The following TMC4 variants were observed in gnomAD, a reference collection of about 807,000 sequenced individuals.
TMC4 encodes voltage-gated chloride channel TMC4.
Under a neutral mutation model 82.0 loss-of-function variants are expected in TMC4, and 70 were observed. The ratio of observed to expected loss-of-function variants is 0.85; its 90% CI spans 0.70 to 1.04. The LOEUF is 1.04. Ranked by LOEUF, TMC4 falls within the 50% of genes least tolerant of loss-of-function variation. The pLI is 0.00. For missense variants in TMC4, 879 were observed against 899.0 expected (o/e 0.98, Z 0.28); for synonymous variants, 446 against 406.0 (o/e 1.10, Z -1.18).
Position 54,163,201 on chromosome 19 carries a change from C to T in TMC4, c.1278-42G>A, listed in dbSNP as rs755504164. 1.4e-5 allele frequency: 23 copies of T among 1,610,394 alleles called. No individual in the cohort carries two copies. The South Asian group carries it at 2.3e-4, about 16-fold the overall frequency. On this transcript the variant is annotated intron_variant, in intron 8 of 14. Coordinates refer to ENST00000619895, the MANE Select transcript of TMC4 (RefSeq NM_144686.4). ...AGAGAATGGGCCCTGACCCGGTACC[C>T]ACCATGTGGCAGTTCCCTTCTCAGT...
chr19:54,170,776 G>C (rs375732218), intron 2 of TMC4, among the ~76,000 whole-genome samples: 10 of 151,994 alleles, frequency 6.6e-5, no homozygotes, highest in Admixed American at 5.3e-4. Flanking sequence ...GGGGCTACAG[G>C]TATGGGCCAC....
chr19:54,168,331 A>C lies in TMC4; in HGVS notation c.676-39T>G, dbSNP rs535638371. 163 of 1,542,262 alleles carry C rather than the reference A, an allele frequency of 1.1e-4. No individual in the cohort carries two copies. The African/African-American group carries it at 1.8e-3, about 17-fold the overall frequency. On this transcript the variant is annotated intron_variant, in intron 4 of 14. Transcript: ENST00000619895. ...GCGGCGCAGGGGCCACTGTGGGAGG[A>C]GGCGGGGCTCCTGGAGCTGCACAGT... is the stretch of plus-strand genomic sequence containing the variant.
At chr19:54,162,386 T>TGGG (rs67618081) in intron 10 of TMC4, 101 bp from the exon 11 acceptor site, 13 of 351,646 alleles carry the variant, frequency 3.7e-5, no homozygotes, top group African/African-American at 1.1e-4. Context: ...TGCGTATTGG[T>TGGG]GGTGGGGGGG....
At chr19:54,163,188 C>T in intron 8 of TMC4, 29 bp from the exon 9 acceptor site, 1 of 1,613,420 alleles carries the variant, frequency 6.2e-7, no homozygotes, top group Non-Finnish European at 8.5e-7. Context: ...AGAATGGGCC[C>T]TGACCCGGTA....
Position 54,168,484 on chromosome 19 carries a change from G to C in TMC4, c.639C>G (p.Thr213=). 1.9e-6 allele frequency: 3 copies of C among 1,547,108 alleles called. No homozygotes were observed. Among genetic ancestry groups the C allele is most frequent in the Non-Finnish European group, 2.6e-6 (3 of 1,145,402 alleles). Residue 213 remains threonine, a synonymous_variant, in exon 4 of 15, where the codon ACC becomes ACG. Transcript: ENST00000619895. The stretch of plus-strand genomic sequence containing the variant: ...GCAAGTTGAAGAGCTGGGTGGCAAA[G>C]GTGACCAGGCCCTGGGAGTGGGGGT... ...SYNPHSQGLV[T]FATQLFNLLS...
intron 2 of TMC4, among the ~76,000 whole-genome samples, chr19:54,171,201 C>G (rs1344104026): frequency 7.5e-6 from 1 of 132,874 alleles, no homozygotes; most frequent in African/African-American, 2.8e-5. Context: ...CTCTATCTCC[C>G]TGGTTCAAGC....
At chr19:54,164,382 G>A (rs2075647728) in intron 7 of TMC4, 52 bp downstream of exon 7, 2 of 1,553,078 alleles carry the variant, frequency 1.3e-6, no homozygotes, top group Non-Finnish European at 1.7e-6. Context: ...CTCCACCGTT[G>A]GAAATGTAGG....
In TMC4 at chr19:54,165,534, G is replaced by C. The variant is rs771619724; in HGVS notation, c.830C>G (p.Ala277Gly). Residue 277 changes from alanine to glycine, a missense_variant, in exon 6 of 15, where the codon GCG (alanine) becomes GGG (glycine). Ala to Gly is a moderately conservative substitution (Grantham distance 60). Transcript: ENST00000619895. ...SVSGLKQTLL[A>G]ESEALTSYSH... ...GTAGCTGGTCAGAGCCTCGGACTCC[G>C]CCAGCAGTGTCTGCTTCAGCCCAGA... The C allele has an allele frequency of 6.2e-7, 1 of 1,610,242 alleles. No homozygotes were observed. The highest frequency in any genetic ancestry group is 8.5e-7 in the Non-Finnish European group (1 of 1,177,874).
At chr19:54,162,628 C>T (rs923190496) in intron 10 of TMC4, 45 bp downstream of exon 10, 12 of 1,492,262 alleles carry the variant, frequency 8.0e-6, no homozygotes, top group African/African-American at 1.4e-5. Context: ...GGGGCACGGC[C>T]TCGTCCTAGA....
Position 54,168,669 on chromosome 19 carries a change from C to CGCCAAACT in TMC4, c.446_453dup (p.Ala152SerfsTer30). On this transcript the variant is annotated frameshift_variant, in exon 4 of 15. Coordinates refer to ENST00000619895, the MANE Select transcript of TMC4 (RefSeq NM_144686.4). LOFTEE classifies it high-confidence loss of function. ...AGGGAGAAGTAGGACTCCGTGCCGGCGCCAAACTGGCCTGCAGGGGGCAGC... is the reference window on the plus strand; with the variant it reads ...AGGGAGAAGTAGGACTCCGTGCCGGCGCCAAACTGCCAAACTGGCCTGCAGGGGGCAGC... 1 of 1,540,746 alleles carries CGCCAAACT rather than the reference C, an allele frequency of 6.5e-7. No individual in the cohort carries two copies. The highest frequency in any genetic ancestry group is 2.4e-5 in the East Asian group (1 of 41,874).
rs764569192 is a variant in TMC4, at chr19:54,163,859, A to T, written c.1142T>A (p.Leu381Gln). Residue 381 changes from leucine to glutamine, a missense_variant, in exon 8 of 15, where the codon CTG becomes CAG. Transcript: ENST00000619895. ...AAGGTAATTCACCCCAAGCTTCAGC[A>T]GTGGCAACTCCTGGACAAGGGGCAT... is the stretch of plus-strand genomic sequence containing the variant. The part of the protein sequence containing the change: ...QEMPLVQELP[L>Q]LKLGVNYLPS... 14 of 1,613,976 alleles carry T rather than the reference A, an allele frequency of 8.7e-6. No homozygotes were observed. Among genetic ancestry groups the T allele is most frequent in the South Asian group, 2.2e-5 (2 of 91,084 alleles).
rs1190768122 is a variant in TMC4 at position 54,163,162 on chromosome 19, G to A, written c.1278-3C>T. On this transcript the variant is annotated splice_region_variant and splice_polypyrimidine_tract_variant and intron_variant, in intron 8 of 14. Coordinates refer to ENST00000619895, the MANE Select transcript of TMC4 (RefSeq NM_144686.4). ...AGGCGAGGCGAAGAAACACGGTCCT[G>A]AAGGGGGGAAGGCAGAGAATGGGCC... The A allele has an allele frequency of 1.2e-6, 2 of 1,613,734 alleles. No homozygotes were observed. Among genetic ancestry groups the A allele is most frequent in the South Asian group, 2.2e-5 (2 of 91,064 alleles).
intron 3 of TMC4, 119 bp from the exon 4 acceptor site, chr19:54,168,799 TTTCTTTTCTTTTCTTTTCTTTTCTTTTC>T: frequency 1.8e-5 from 1 of 56,310 alleles, no homozygotes; most frequent in South Asian, 8.3e-4. Flanking sequence ...TTTTCTTTCT[TTTCTTTTCTTTTCTTTTCTTTTCTTTTC>T]TTTTCTTTTC....
intron 12 of TMC4, 45 bp from the exon 13 acceptor site, chr19:54,161,078 A>G (rs1258335246): frequency 1.2e-6 from 2 of 1,610,764 alleles, no homozygotes; most frequent in Admixed American, 3.4e-5. Flanking sequence ...AGGAGTCTGA[A>G]CACTGAATGG....
intron 1 of TMC4, among the ~76,000 whole-genome samples, chr19:54,172,497 C>T (rs1186739381): frequency 5.4e-5 from 8 of 149,050 alleles, no homozygotes; most frequent in Admixed American, 1.3e-4. Flanking sequence ...AACAGGCCCC[C>T]GGCCCCTCCT....
intron 14 of TMC4, 44 bp downstream of exon 14, chr19:54,160,423 T>C (rs1350910307): frequency 1.9e-6 from 3 of 1,602,102 alleles, no homozygotes; most frequent in Non-Finnish European, 2.6e-6. Context: ...CCCAACCCCT[T>C]TCCATGTTCC....
intron 11 of TMC4, 24 bp downstream of exon 11, chr19:54,162,078 C>T: frequency 1.3e-6 from 2 of 1,587,194 alleles, no homozygotes; most frequent in Admixed American, 3.7e-5. Context: ...TGCCTCAGAC[C>T]CAAGGGTCCC....
In TMC4 at chr19:54,172,020, G is replaced by A. The variant is rs2075906595; in HGVS notation, c.143C>T (p.Pro48Leu). The A allele has an allele frequency of 6.2e-7, 1 of 1,613,210 alleles. No individual in the cohort carries two copies. The highest frequency in any genetic ancestry group is 1.1e-5 in the South Asian group (1 of 90,970). The change falls in exon 2 of 15, where the codon CCT (proline) becomes CTT (leucine). Residue 48 changes from proline (P) to leucine (L), a missense_variant. By Grantham distance (98) the Pro-to-Leu change is moderately conservative. Coordinates refer to ENST00000619895, the MANE Select transcript of TMC4 (RefSeq NM_144686.4). ...CAGCGCCCCCCAAGGCAGCACCCCA[G>A]GGTCTCGGTACCGAAGGGTGGCAGC... ...PSAATLRYRD[P>L]GVLPWGALEE...
intron 6 of TMC4, 74 bp downstream of exon 6, chr19:54,165,345 T>G: frequency 1.4e-6 from 2 of 1,461,862 alleles, no homozygotes; most frequent in South Asian, 2.7e-5. Context: ...ATCACCGAGT[T>G]AGGCCCTGTG....
Sources: allele counts gnomAD v4.1 joint callset (sites outside exome capture counted in the v4.1 genomes callset), GRCh38; gene constraint gnomAD v4.1.1; transcripts MANE v1.5; gene names NCBI Gene and HGNC (gene_info 2026-07-23, HGNC 2026-07-21).